Variants in MAP4 observed in about 807,000 individuals in gnomAD.
The protein encoded by MAP4 is microtubule-associated protein 4.
MAP4 carries 76 observed loss-of-function variants against 170.2 expected under a neutral mutation model. That is an observed-to-expected ratio of 0.45 (90% CI 0.37 to 0.54). The LOEUF (loss-of-function observed/expected upper bound fraction) is 0.54, where lower values mean the gene tolerates loss of function less well. Ranked by LOEUF, MAP4 falls within the 20% of genes least tolerant of loss-of-function variation. MAP4 has a pLI of 0.00. For missense variants in MAP4, 2,506 were observed against 2,748.0 expected, an observed-to-expected ratio of 0.91 and a Z score of 1.97; for synonymous variants, 909 against 994.5, an observed-to-expected ratio of 0.91 and a Z score of 1.62.
At chr3:48,040,062 T>C (rs532744143) in intron 1 of MAP4, among the ~76,000 whole-genome samples, 12 of 152,234 alleles carry the variant, frequency 7.9e-5, no homozygotes, top group Admixed American at 6.5e-4. Context: ...ACAAGTGACA[T>C]ATGCAGTCAT....
intron 3 of MAP4, among the ~76,000 whole-genome samples, chr3:47,929,025 G>T (rs1023110518): frequency 6.6e-6 from 1 of 152,100 alleles, no homozygotes; most frequent in Non-Finnish European, 1.5e-5. Context: ...CAGTTGAAGG[G>T]CTTACATAAC....
chr3:47,970,105 C>T (rs1334715469), intron 3 of MAP4, among the ~76,000 whole-genome samples: 2 of 152,214 alleles, frequency 1.3e-5, no homozygotes, highest in East Asian at 3.9e-4. Context: ...CCTGGGGCCA[C>T]TTCCCAAAAT....
intron 2 of MAP4, among the ~76,000 whole-genome samples, chr3:47,982,450 G>C (rs892199207): frequency 1.3e-5 from 2 of 152,174 alleles, no homozygotes; most frequent in African/African-American, 4.8e-5. Flanking sequence ...TTTTAAACTA[G>C]ATGATGGAAA....
Position 47,850,998 on chromosome 3 carries a change from C to T in MAP4, c.*1936G>A, listed in dbSNP as rs911024805. ...GAAAGGACCTGGAACCTGTCGTCAA[C>T]CTCAGCATCCTCATGACCCCAGGAC... On this transcript the variant is annotated 3_prime_UTR_variant, in exon 21 of 21. Coordinates refer to ENST00000683076, the MANE Select transcript of MAP4 (RefSeq NM_001385682.1). The T allele has an allele frequency of 1.3e-5, 2 of 152,428 alleles. No individual in the cohort carries two copies. Among genetic ancestry groups the T allele is most frequent in the South Asian group, 2.1e-4 (1 of 4,826 alleles). 9.4% of individuals were successfully genotyped at this position (152,428 alleles called of 1,614,324 possible).
chr3:47,963,229 T>C (rs2100072754), intron 3 of MAP4, among the ~76,000 whole-genome samples: 2 of 152,190 alleles, frequency 1.3e-5, no homozygotes, highest in South Asian at 4.1e-4. Context: ...GGGCTGATGG[T>C]CAAACAGAAT....
chr3:47,912,332 T>G lies in MAP4; in HGVS notation c.2089A>C (p.Arg697=), dbSNP rs994269990. ...CCTCCCAGCAGCTCAGGAGGGACCC[T>G]GGCAGGCTTGGGCCGGGTTGACCTG... ...DRRSTRPKPA[R]VPPELLGGSP... is the part of the protein sequence containing the mutation. Residue 697 remains arginine (R), a synonymous_variant, in exon 9 of 21, where the codon AGG becomes CGG. Coordinates refer to ENST00000683076, the MANE Select transcript of MAP4 (RefSeq NM_001385682.1). 4 of 1,536,108 alleles carry G rather than the reference T, an allele frequency of 2.6e-6. No individual in the cohort carries two copies. The highest frequency in any genetic ancestry group is 1.7e-4 in the Middle Eastern group (1 of 5,990).
intron 3 of MAP4, among the ~76,000 whole-genome samples, chr3:47,951,998 C>A (rs1193920087): frequency 1.3e-5 from 2 of 149,096 alleles, no homozygotes; most frequent in Non-Finnish European, 1.5e-5. Flanking sequence ...GCCTCTGCCC[C>A]GCCACCCCGT....
intron 3 of MAP4, among the ~76,000 whole-genome samples, chr3:47,951,521 C>T (rs986188252): frequency 1.3e-5 from 2 of 152,232 alleles, no homozygotes; most frequent in Non-Finnish European, 2.9e-5. Flanking sequence ...GACTGGTTTT[C>T]GTATTTTTTT....
intron 3 of MAP4, among the ~76,000 whole-genome samples, chr3:47,943,594 C>T (rs1181123008): frequency 6.7e-6 from 1 of 149,446 alleles, no homozygotes; most frequent in African/African-American, 2.4e-5. Context: ...GGTGACAAAA[C>T]AGGACTCTTT....
Position 48,055,279 on chromosome 3 carries a change from G to A in MAP4, c.-20+33494C>T, listed in dbSNP as rs567363811. 5.9e-5 allele frequency among the ~76,000 whole-genome samples: 9 copies of A among 152,100 alleles called. No homozygotes were observed. In the South Asian group the frequency reaches 1.0e-3, roughly 18 times the overall value. ...TCTCATGCGGAGCCGAAGCTGGACT[G>A]TACTGCTGCCATCTCGGCTCACTGC... is the stretch of plus-strand genomic sequence containing the variant. On this transcript the variant is annotated intron_variant, in intron 1 of 18. Transcript: ENST00000360240.
At position 47,939,726 on chromosome 3, in the gene MAP4, AAAC is replaced by A. The variant is rs1024087892; in HGVS notation, c.293-11379_293-11377del. 4.8e-5 allele frequency among the ~76,000 whole-genome samples: 7 copies of A among 147,050 alleles called. No homozygotes were observed. In the South Asian group the frequency reaches 8.6e-4, roughly 18 times the overall value. ...AAGAAATAGTTTTTTTTTTTTTTTTAAACAACCACCTCTTGATCAAAAAATAAG... is the reference window on the plus strand; with the variant it reads ...AAGAAATAGTTTTTTTTTTTTTTTTAAACCACCTCTTGATCAAAAAATAAG... On this transcript the variant is annotated intron_variant, in intron 3 of 20. Coordinates refer to ENST00000683076, the MANE Select transcript of MAP4 (RefSeq NM_001385682.1).
At chr3:47,905,560 C>T (rs1357806553) in intron 9 of MAP4, among the ~76,000 whole-genome samples, 2 of 151,018 alleles carry the variant, frequency 1.3e-5, no homozygotes, top group African/African-American at 4.9e-5. Context: ...AAAAAAAACC[C>T]CACAAACAAG....
intron 10 of MAP4, 160 bp from the exon 11 acceptor site, chr3:47,877,683 T>TCA (rs1299507197): frequency 1.9e-6 from 1 of 531,972 alleles, no homozygotes; most frequent in African/African-American, 1.9e-5. Flanking sequence ...TCCCAAGTTC[T>TCA]CATTGTGATG....
Position 47,855,332 on chromosome 3 carries a change from C to G in MAP4, c.6612G>C (p.Gln2204His). 6.2e-7 allele frequency: 1 copy of G among 1,613,942 alleles called. No individual in the cohort carries two copies. The highest frequency in any genetic ancestry group is 8.5e-7 in the Non-Finnish European group (1 of 1,179,796). ...PGGGDVKIES[Q>H]KLNFKEKAQA... ...GGGCCTTCTCCTTGAAGTTCAACTT[C>G]TGACTTTCAATCTTGACATCTCCTC... The change falls in exon 19 of 21, where the codon CAG becomes CAC. Residue 2204 changes from glutamine to histidine, a missense_variant. By Grantham distance (24) the Gln-to-His change is conservative (BLOSUM62 0). This residue lies in a region of MAP4 where 487 missense variants were observed against 511.6 expected (regional missense o/e 0.95). Coordinates refer to ENST00000683076, the MANE Select transcript of MAP4 (RefSeq NM_001385682.1). This position sits in a 1 kb window ranked among gnomAD's most constrained non-coding sequence, Gnocchi z 5.1.
At chr3:48,038,661 C>T (rs935558614) in intron 1 of MAP4, among the ~76,000 whole-genome samples, 1 of 152,110 alleles carries the variant, frequency 6.6e-6, no homozygotes. Context: ...GGGGTTTCAC[C>T]GTGTTAGCCA....
intron 10 of MAP4, among the ~76,000 whole-genome samples, chr3:47,884,551 G>A (rs1001688931): frequency 2.6e-5 from 4 of 152,102 alleles, no homozygotes; most frequent in Non-Finnish European, 4.4e-5. Flanking sequence ...TGCATTTATG[G>A]CCTGTTGTGT....
chr3:47,982,764 A>G (rs1423481588), intron 2 of MAP4, among the ~76,000 whole-genome samples: 1 of 152,122 alleles, frequency 6.6e-6, no homozygotes. Context: ...ATTTGATTCC[A>G]TTTGTAAAAT....
chr3:48,084,812 GT>G (rs11333074), intron 1 of MAP4, among the ~76,000 whole-genome samples: 111,023 of 149,750 alleles, frequency 0.74, 41,493 homozygotes, highest in African/African-American at 0.87. Context: ...AGTTGTTTTT[GT>G]TTTTTTTTTA....
intron 11 of MAP4, chr3:47,877,039 GC>G (rs2095582944): frequency 6.0e-6 from 1 of 166,258 alleles, no homozygotes; most frequent in South Asian, 1.6e-4. Context: ...GCATCACCAC[GC>G]CCAGTTAATT....
Sources: gnomAD v4.1 joint callset for allele counts (sites outside exome capture counted in the v4.1 genomes callset) on GRCh38, gnomAD v4.1.1 for gene constraint, gnomAD v4.1.1 regional missense constraint, Gnocchi (gnomAD v3.1) non-coding constraint, MANE v1.5 for transcripts, NCBI Gene and HGNC (gene_info 2026-07-23, HGNC 2026-07-21) for gene names.